The following GRSF1 variants were observed in gnomAD, a reference collection of about 807,000 sequenced individuals.
GRSF1 encodes G-rich sequence factor 1.
A neutral mutation model predicts 51.1 loss-of-function variants in GRSF1; 50 were observed. That is an observed-to-expected ratio of 0.98 (90% CI 0.78 to 1.24). GRSF1 has a LOEUF of 1.24. Among genes scored for constraint, GRSF1 ranks in the 50% most tolerant of loss-of-function variants. GRSF1 has a pLI of 0.00. For synonymous variants in GRSF1, 293 were observed against 253.3 expected, an observed-to-expected ratio of 1.16 and a Z score of -1.49; for missense variants, 700 against 639.7, an observed-to-expected ratio of 1.09 and a Z score of -1.02.
At position 70,836,215 on chromosome 4, in the gene GRSF1, G is replaced by A. The variant is rs763599342; in HGVS notation, c.457C>T (p.Arg153Ter). 2 of 1,609,316 alleles carry A rather than the reference G, an allele frequency of 1.2e-6. No homozygotes were observed. The highest frequency in any genetic ancestry group is 1.7e-6 in the Non-Finnish European group (2 of 1,177,880). ...EEEVDDVFLI[R>*]AQGLPWSCTM... ...CATGACCAGGGCAGTCCTTGAGCTC[G>A]AATGAGAAAGACATCATCCACTTCC... Residue 153 changes from arginine (R) to a stop codon, truncating the protein, a stop_gained, in exon 2 of 10, where the codon CGA becomes TGA. Transcript: ENST00000254799. LOFTEE classifies it high-confidence loss of function.
Position 70,827,964 on chromosome 4 carries a change from G to T in GRSF1, c.1023C>A (p.Ile341=), listed in dbSNP as rs752221653. Residue 341 remains isoleucine, a synonymous_variant, in exon 6 of 10, where the codon ATC becomes ATA. Transcript: ENST00000254799. ...TATACTTAGCAGTAGGAAAAGATGC[G>T]ATTTTCTTTCCCTTATAAGAACCGA... ...THVGSYKGKK[I]ASFPTAKYIT... is the part of the protein sequence containing the mutation. 1 of 1,611,586 alleles carries T rather than the reference G, an allele frequency of 6.2e-7. No homozygotes were observed. The highest frequency in any genetic ancestry group is 8.5e-7 in the Non-Finnish European group (1 of 1,177,876).
chr4:70,818,498 AG>A lies in GRSF1; in HGVS notation c.*2388del. 1 of 152,296 alleles carries A rather than the reference AG, an allele frequency of 6.6e-6. No homozygotes were observed. Among genetic ancestry groups the A allele is most frequent in the Non-Finnish European group, 1.5e-5 (1 of 68,016 alleles). 9.4% of individuals were successfully genotyped at this position (152,296 alleles called of 1,614,324 possible). Reference sequence around the variant, plus strand: ...AGTGAGAATTTGGAGCCTTCCTCCCAGGGAAGATTCGGTCCCCCTTCCCACA... The same window carrying A: ...AGTGAGAATTTGGAGCCTTCCTCCCAGGAAGATTCGGTCCCCCTTCCCACA... On this transcript the variant is annotated 3_prime_UTR_variant, in exon 10 of 10. Coordinates refer to ENST00000254799, the MANE Select transcript of GRSF1 (RefSeq NM_002092.4).
chr4:70,830,999 T>C (rs2362331), intron 5 of GRSF1, among the ~76,000 whole-genome samples: 132,198 of 152,146 alleles, frequency 0.87, 59,300 homozygotes, highest in East Asian at 1. Context: ...ATGTTACATT[T>C]TATATATAAA....
intron 5 of GRSF1, among the ~76,000 whole-genome samples, chr4:70,829,761 T>C (rs1011005741): frequency 6.6e-6 from 1 of 152,126 alleles, no homozygotes; most frequent in Non-Finnish European, 1.5e-5. Context: ...GCAGTGTTTG[T>C]GGCACTGCAC....
chr4:70,841,836 C>G (rs1734466537), upstream of GRSF1, among the ~76,000 whole-genome samples: 1 of 152,122 alleles, frequency 6.6e-6, no homozygotes, highest in African/African-American at 2.4e-5. Flanking sequence ...GTTTTTTGGG[C>G]TAAAATACAG....
At position 70,832,390 on chromosome 4, in the gene GRSF1, G is replaced by A. The variant is rs372441662; in HGVS notation, c.731C>T (p.Ser244Leu). 1.7e-5 allele frequency: 28 copies of A among 1,611,346 alleles called. No homozygotes were observed. In the African/African-American group the frequency reaches 2.4e-4, roughly 14 times the overall value. The change falls in exon 4 of 10, where the codon TCG becomes TTG. Residue 244 changes from serine (S) to leucine (L), a missense_variant. Ser to Leu is a moderately radical substitution (Grantham distance 145). Coordinates refer to ENST00000254799, the MANE Select transcript of GRSF1 (RefSeq NM_002092.4). The part of the protein sequence containing the change: ...ALMKSLQVKS[S>L]PVVNDGVVRL... ...AACCACACCATCATTTACCACAGGCGAAGATTTGACCTGCAAGCTCTTCAT... is the reference window on the plus strand; with the variant it reads ...AACCACACCATCATTTACCACAGGCAAAGATTTGACCTGCAAGCTCTTCAT...
intron 6 of GRSF1, among the ~76,000 whole-genome samples, chr4:70,826,689 T>C (rs951741219): frequency 4.0e-5 from 6 of 150,918 alleles, no homozygotes; most frequent in Admixed American, 4.0e-4. Flanking sequence ...AAAATAAAAA[T>C]AAAAATAAGT....
rs1337573883 is a variant in GRSF1 at position 70,833,278 on chromosome 4, A to C, written c.515-5T>G. On this transcript the variant is annotated splice_polypyrimidine_tract_variant and splice_region_variant and intron_variant, in intron 2 of 9. Coordinates refer to ENST00000254799, the MANE Select transcript of GRSF1 (RefSeq NM_002092.4). ...CACCGTTGCGGATTCTGCAGTCTAA[A>C]AGTGTATGAGCAAAATCAATTGAAA... The C allele has an allele frequency of 1.2e-6, 2 of 1,612,338 alleles. No individual in the cohort carries two copies. The highest frequency in any genetic ancestry group is 2.7e-5 in the African/African-American group (2 of 74,876).
chr4:70,823,477 TTTTC>T (rs1260946814), intron 9 of GRSF1, among the ~76,000 whole-genome samples: 5 of 40,780 alleles, frequency 1.2e-4, no homozygotes, highest in Admixed American at 5.2e-4. Flanking sequence ...CCCAGCAGAA[TTTTC>T]TTTTTTTTTT....
chr4:70,840,079 G>C (rs2148849986), upstream of GRSF1: 1 of 349,864 alleles, frequency 2.9e-6, no homozygotes, highest in South Asian at 5.8e-5. Context: ...CCATGGTTTG[G>C]GCGGGGCTGC....
At position 70,833,261 on chromosome 4, in the gene GRSF1, C is replaced by A. The variant is rs372040182; in HGVS notation, c.527G>T (p.Arg176Leu). The A allele has an allele frequency of 1.9e-6, 3 of 1,613,636 alleles. No homozygotes were observed. The South Asian group carries it at 3.3e-5, about 18-fold the overall frequency. The change falls in exon 3 of 10, where the codon CGC becomes CTC. Residue 176 changes from arginine to leucine, a missense_variant. Coordinates refer to ENST00000254799, the MANE Select transcript of GRSF1 (RefSeq NM_002092.4). ...VLNFFSDCRI[R>L]NGENGIHFLL... ...AAAATGTATTCCATTCTCACCGTTGCGGATTCTGCAGTCTAAAAGTGTATG... is the reference window on the plus strand; with the variant it reads ...AAAATGTATTCCATTCTCACCGTTGAGGATTCTGCAGTCTAAAAGTGTATG...
chr4:70,825,643 C>T, intron 7 of GRSF1: 1 of 381,802 alleles, frequency 2.6e-6, no homozygotes, highest in East Asian at 4.0e-5. Flanking sequence ...TTTCAAATAT[C>T]TGCTCTCAGC....
In GRSF1 at chr4:70,831,578, T is replaced by A. The variant is rs745990262; in HGVS notation, c.911A>T (p.Asn304Ile). ...TTCCCTGTGTTTCAACAGGGCTTGG[T>A]TGGCCATTTCTGGTTCTTCAAATTG... ...YVQFEEPEMA[N>I]QALLKHREEI... Residue 304 changes from asparagine to isoleucine, a missense_variant, in exon 5 of 10, where the codon AAC becomes ATC. Transcript: ENST00000254799. The A allele has an allele frequency of 5.8e-5, 94 of 1,613,840 alleles. No homozygotes were observed. The East Asian group carries it at 1.4e-3, about 23-fold the overall frequency.
At position 70,831,604 on chromosome 4, in the gene GRSF1, C is replaced by T. The variant is rs1733968001; in HGVS notation, c.885G>A (p.Val295=). ...TGGCCATTTCTGGTTCTTCAAATTG[C>T]ACATAGGCTTCCCCTGTTTTTCGCC... The part of the protein sequence containing the change: ...RGRRKTGEAY[V]QFEEPEMANQ... The change falls in exon 5 of 10, where the codon GTG becomes GTA. Residue 295 remains valine (V), a synonymous_variant. Transcript: ENST00000254799. 4 of 1,613,548 alleles carry T rather than the reference C, an allele frequency of 2.5e-6. No individual in the cohort carries two copies. Among genetic ancestry groups the T allele is most frequent in the Non-Finnish European group, 3.4e-6 (4 of 1,179,538 alleles).
Position 70,819,310 on chromosome 4 carries a change from A to T in GRSF1, c.*1577T>A, listed in dbSNP as rs1369687433. ...TCTAATAGTTCGTACAACTACAGATACCAGTTCTCATAGCTTGGCATATTC... is the reference window on the plus strand; with the variant it reads ...TCTAATAGTTCGTACAACTACAGATTCCAGTTCTCATAGCTTGGCATATTC... On this transcript the variant is annotated 3_prime_UTR_variant, in exon 10 of 10. Transcript: ENST00000254799. 1 of 152,206 alleles carries T rather than the reference A, an allele frequency of 6.6e-6. No individual in the cohort carries two copies. The highest frequency in any genetic ancestry group is 1.5e-5 in the Non-Finnish European group (1 of 68,034). The allele number at this position is 152,206 out of a possible 1,614,324, so 9.4% of individuals were successfully genotyped here.
intron 3 of GRSF1, 64 bp downstream of exon 3, chr4:70,833,054 C>A: frequency 7.1e-7 from 1 of 1,400,488 alleles, no homozygotes; most frequent in Non-Finnish European, 9.8e-7. Context: ...CAAATAAAAA[C>A]TACCTTGAAA....
intron 4 of GRSF1, 106 bp downstream of exon 4, chr4:70,832,201 A>G: frequency 1.3e-6 from 1 of 793,906 alleles, no homozygotes; most frequent in Non-Finnish European, 2.0e-6. Context: ...AAAGAACCTA[A>G]TATAACTGCA....
chr4:70,836,840 G>A (rs1335781409), intron 1 of GRSF1, among the ~76,000 whole-genome samples: 1 of 152,096 alleles, frequency 6.6e-6, no homozygotes, highest in Non-Finnish European at 1.5e-5. Flanking sequence ...TAAAAGATAG[G>A]GTATTCCAGT....
Position 70,832,377 on chromosome 4 carries a change from A to G in GRSF1, c.744T>C (p.Asn248=), listed in dbSNP as rs369156640. The part of the protein sequence containing the change: ...SLQVKSSPVV[N]DGVVRLRGLP... The stretch of plus-strand genomic sequence containing the variant: ...GTCCTCTCAAACGAACCACACCATC[A>G]TTTACCACAGGCGAAGATTTGACCT... The change falls in exon 4 of 10, where the codon AAT becomes AAC. Residue 248 remains asparagine (N), a synonymous_variant. Coordinates refer to ENST00000254799, the MANE Select transcript of GRSF1 (RefSeq NM_002092.4). 3 of 1,611,658 alleles carry G rather than the reference A, an allele frequency of 1.9e-6. No homozygotes were observed. The African/African-American group carries it at 4.0e-5, about 22-fold the overall frequency.
Sources: allele counts gnomAD v4.1 joint callset (sites outside exome capture counted in the v4.1 genomes callset), GRCh38; gene constraint gnomAD v4.1.1; transcripts MANE v1.5; gene names NCBI Gene and HGNC (gene_info 2026-07-23, HGNC 2026-07-21).